The following TMCC1 variants were observed in gnomAD, a reference collection of about 807,000 sequenced individuals.
TMCC1 encodes transmembrane and coiled-coil domain family 1.
Under a neutral mutation model 52.4 loss-of-function variants are expected in TMCC1, and 15 were observed. The observed-to-expected ratio is 0.29, with a 90% CI of 0.19 to 0.44. The LOEUF (loss-of-function observed/expected upper bound fraction) is 0.44. TMCC1 is among the 20% of genes least tolerant of loss of function. TMCC1 has a pLI of 1.00. For synonymous variants in TMCC1, 279 were observed against 301.9 expected (o/e 0.92, Z 0.79); for missense variants, 503 against 806.0 (o/e 0.62, Z 4.55).
At chr3:129,819,528 TA>T (rs2058305935) in intron 4 of TMCC1, among the ~76,000 whole-genome samples, 1 of 152,130 alleles carries the variant, frequency 6.6e-6, no homozygotes, top group Non-Finnish European at 1.5e-5. Flanking sequence ...TTTTGCCAAA[TA>T]AAAATTAAAG....
intron 4 of TMCC1, among the ~76,000 whole-genome samples, chr3:129,745,102 T>A (rs929495087): frequency 6.6e-6 from 1 of 152,232 alleles, no homozygotes; most frequent in African/African-American, 2.4e-5. Flanking sequence ...TGCACTGTCA[T>A]GTGCTAAATG....
At chr3:129,881,060 C>CA (rs2061436456) in intron 1 of TMCC1, among the ~76,000 whole-genome samples, 1 of 151,974 alleles carries the variant, frequency 6.6e-6, no homozygotes, top group Non-Finnish European at 1.5e-5. Flanking sequence ...GACTGGGTTT[C>CA]ACCATGTTGG....
At chr3:129,716,155 CTTTTTTCTTTGTTTTTT>C (rs2049066057) in intron 4 of TMCC1, among the ~76,000 whole-genome samples, 2 of 55,336 alleles carry the variant, frequency 3.6e-5, no homozygotes, top group Non-Finnish European at 6.3e-5. Flanking sequence ...CACTTTTTTT[CTTTTTTCTTTGTTTTTT>C]TTTTTTTGAG....
intron 4 of TMCC1, among the ~76,000 whole-genome samples, chr3:129,697,964 AG>A (rs890608712): frequency 2.0e-5 from 3 of 152,166 alleles, no homozygotes; most frequent in African/African-American, 7.2e-5. Context: ...CCAAGTCTCT[AG>A]GAAGTTCCAA....
intron 4 of TMCC1, among the ~76,000 whole-genome samples, chr3:129,747,128 A>G (rs1026639881): frequency 3.3e-5 from 5 of 152,206 alleles, no homozygotes; most frequent in African/African-American, 4.8e-5. Context: ...TAATTAGGCC[A>G]CACATGCTCT....
intron 4 of TMCC1, among the ~76,000 whole-genome samples, chr3:129,749,360 G>A (rs1453740784): frequency 6.6e-6 from 1 of 152,062 alleles, no homozygotes; most frequent in Non-Finnish European, 1.5e-5. Flanking sequence ...ATAAATGACT[G>A]TAGTCATGTA....
intron 2 of TMCC1, among the ~76,000 whole-genome samples, chr3:129,852,299 A>C (rs757719026): frequency 9.2e-5 from 14 of 152,012 alleles, no homozygotes; most frequent in Non-Finnish European, 1.8e-4. Context: ...TCTACTCAAA[A>C]TACAAAAATT....
intron 4 of TMCC1, among the ~76,000 whole-genome samples, chr3:129,686,703 G>A (rs1322770977): frequency 6.6e-6 from 1 of 152,094 alleles, no homozygotes; most frequent in African/African-American, 2.4e-5. Context: ...AAAAAGAACA[G>A]AATATTATGA....
intron 5 of TMCC1, chr3:129,656,509 A>T (rs528373746): frequency 6.6e-6 from 1 of 152,058 alleles, no homozygotes; most frequent in East Asian, 1.9e-4. Flanking sequence ...CTTTTAAAGA[A>T]TATAATGAAT....
intron 4 of TMCC1, among the ~76,000 whole-genome samples, chr3:129,773,941 T>TA (rs1380635700): frequency 1.3e-5 from 2 of 152,088 alleles, no homozygotes; most frequent in African/African-American, 2.4e-5. Context: ...ACACTATCTC[T>TA]AAAAAAACTA....
chr3:129,709,935 C>T (rs796708739), intron 4 of TMCC1, among the ~76,000 whole-genome samples: 23 of 152,110 alleles, frequency 1.5e-4, no homozygotes, highest in African/African-American at 5.3e-4. Flanking sequence ...ACCTGTAATC[C>T]CAGCACTTTG....
rs114582652 is a variant in TMCC1 at position 129,702,700 on chromosome 3, A to T, written c.577-31436T>A. 7.0e-3 allele frequency among the ~76,000 whole-genome samples: 1,070 copies of T among 152,292 alleles called. 11 individuals carry two copies. Among genetic ancestry groups the T allele is most frequent in the African/African-American group, 0.025 (1,021 of 41,564 alleles). ...GTTATGAAAAATAAACATTTTCTAT[A>T]TTATCAGAAAATATGAAGATTGTTA... On this transcript the variant is annotated intron_variant, in intron 4 of 6. Transcript: ENST00000393238.
intron 4 of TMCC1, among the ~76,000 whole-genome samples, chr3:129,732,854 A>T (rs1479447579): frequency 6.6e-6 from 1 of 152,202 alleles, no homozygotes; most frequent in East Asian, 1.9e-4. Flanking sequence ...AAAGGAAAAA[A>T]GAAAAAGTTT....
chr3:129,806,871 C>T (rs1276340543), intron 4 of TMCC1, among the ~76,000 whole-genome samples: 1 of 151,124 alleles, frequency 6.6e-6, no homozygotes, highest in Non-Finnish European at 1.5e-5. Context: ...GGAAATCTAC[C>T]AGAAATTAGA....
At chr3:129,840,792 T>C (rs891579472) in intron 2 of TMCC1, among the ~76,000 whole-genome samples, 3 of 152,190 alleles carry the variant, frequency 2.0e-5, no homozygotes, top group South Asian at 2.1e-4. Context: ...TTCCCAGCCA[T>C]GTGGGGCTGA....
Position 129,828,608 on chromosome 3 carries a change from G to T in TMCC1, c.-130-100C>A. The T allele has an allele frequency of 2.2e-6, 1 of 464,660 alleles. No individual in the cohort carries two copies. Among genetic ancestry groups the T allele is most frequent in the South Asian group, 4.0e-5 (1 of 25,264 alleles). The allele number at this position is 464,660 out of a possible 1,614,324, so 28.8% of individuals were successfully genotyped here. A position where few individuals can be genotyped will look rare whatever the true frequency, so the allele number is the denominator to read the frequency against. ...TTAAAACAAAGAAAAACATGCTACT[G>T]GCCAAACAAATAGGCACTATCATTA... On this transcript the variant is annotated intron_variant, in intron 3 of 6. Transcript: ENST00000393238. This position sits in a 1 kb window ranked among gnomAD's most constrained non-coding sequence, Gnocchi z 4.1.
chr3:129,722,818 G>A (rs1458002778), intron 4 of TMCC1, among the ~76,000 whole-genome samples: 1 of 152,070 alleles, frequency 6.6e-6, no homozygotes, highest in Non-Finnish European at 1.5e-5. Flanking sequence ...TTGAATCCAA[G>A]ATATATAGCA....
At chr3:129,861,851 T>C (rs141211539) in intron 2 of TMCC1, among the ~76,000 whole-genome samples, 6 of 152,348 alleles carry the variant, frequency 3.9e-5, no homozygotes, top group African/African-American at 1.2e-4. Context: ...CCATATTTCC[T>C]AGCAATTCCA....
chr3:129,789,929 C>G (rs1203149490), intron 4 of TMCC1, among the ~76,000 whole-genome samples: 2 of 151,988 alleles, frequency 1.3e-5, no homozygotes, highest in African/African-American at 2.4e-5. Flanking sequence ...ATAAAATCAA[C>G]AGAACTAGGA....
Sources: gnomAD v4.1 joint callset for allele counts (sites outside exome capture counted in the v4.1 genomes callset) on GRCh38, gnomAD v4.1.1 for gene constraint, Gnocchi (gnomAD v3.1) non-coding constraint, MANE v1.5 for transcripts, NCBI Gene and HGNC (gene_info 2026-07-23, HGNC 2026-07-21) for gene names.